The following FAM163A variants were observed in gnomAD, a reference collection of about 807,000 sequenced individuals.
FAM163A encodes the protein family with sequence similarity 163 member A, also known as protein FAM163A.
A neutral mutation model predicts 12.0 loss-of-function variants in FAM163A; 7 were observed. The observed-to-expected ratio is 0.58, with a 90% CI of 0.33 to 1.10. The LOEUF (loss-of-function observed/expected upper bound fraction) is 1.10. Ranked by LOEUF, FAM163A falls within the 50% of genes least tolerant of loss-of-function variation. The pLI is 0.03. For synonymous variants in FAM163A, 101 were observed against 91.0 expected (o/e 1.11, Z -0.62); for missense variants, 202 against 218.6 (o/e 0.92, Z 0.48).
chr1:179,732,974 A>T, the FAM163A span, among the ~76,000 whole-genome samples: 1 of 151,418 alleles, frequency 6.6e-6, no homozygotes, highest in East Asian at 1.9e-4. Flanking sequence ...GACAGGAGCC[A>T]TAAGAGAGGA....
chr1:179,770,009 C>T (rs895902147), intron 1 of FAM163A, among the ~76,000 whole-genome samples: 8 of 150,184 alleles, frequency 5.3e-5, no homozygotes, highest in Non-Finnish European at 1.2e-4. Flanking sequence ...AGGTTCACAC[C>T]GTTCTCCTGC....
chr1:179,764,693 A>C (rs947813021), intron 1 of FAM163A, among the ~76,000 whole-genome samples: 1 of 151,906 alleles, frequency 6.6e-6, no homozygotes, highest in Non-Finnish European at 1.5e-5. Flanking sequence ...CTGTTGGGGG[A>C]GAGCATTTCT....
rs112842856 is a variant in FAM163A at position 179,791,647 on chromosome 1, G to A, written c.-135-16151G>A. Reference sequence around the variant, plus strand: ...TCTTCCAGGTGTTCGAGGATGGAACGCGTTTTCATTTAACAGTTGCTAACT... The same window carrying A: ...TCTTCCAGGTGTTCGAGGATGGAACACGTTTTCATTTAACAGTTGCTAACT... On this transcript the variant is annotated intron_variant, in intron 1 of 4. Transcript: ENST00000341785. Among the ~76,000 whole-genome samples, 465 of 152,324 alleles carry A rather than the reference G, an allele frequency of 3.1e-3. 2 individuals carry two copies. Among genetic ancestry groups the A allele is most frequent in the African/African-American group, 0.01 (423 of 41,556 alleles).
At chr1:179,729,274 A>T in the FAM163A span, among the ~76,000 whole-genome samples, 1 of 152,206 alleles carries the variant, frequency 6.6e-6, no homozygotes, top group Non-Finnish European at 1.5e-5. Context: ...TATTTTGCCA[A>T]CTATAATTGT....
chr1:179,779,887 A>T (rs1689489205), intron 1 of FAM163A, among the ~76,000 whole-genome samples: 1 of 152,234 alleles, frequency 6.6e-6, no homozygotes, highest in Non-Finnish European at 1.5e-5. Flanking sequence ...GCCACAGTTT[A>T]TGTATGTGCT....
At chr1:179,758,143 C>T (rs558024880) in intron 1 of FAM163A, among the ~76,000 whole-genome samples, 1 of 151,984 alleles carries the variant, frequency 6.6e-6, no homozygotes, top group Admixed American at 6.5e-5. Context: ...AACAGAACTG[C>T]GTAGCTGGCT....
chr1:179,748,937 C>T (rs376308006), intron 1 of FAM163A, among the ~76,000 whole-genome samples: 5 of 152,160 alleles, frequency 3.3e-5, no homozygotes, highest in African/African-American at 9.7e-5. Flanking sequence ...TAACATGAAA[C>T]GTTTATATCC....
chr1:179,738,459 C>G (rs141636463), upstream of FAM163A, among the ~76,000 whole-genome samples: 1,144 of 152,132 alleles, frequency 7.5e-3, 14 homozygotes, highest in African/African-American at 0.026. Flanking sequence ...CTCAATAAAG[C>G]TGTGTTTAAA....
At chr1:179,806,582 C>T (rs769531991) in intron 1 of FAM163A, among the ~76,000 whole-genome samples, 7 of 152,148 alleles carry the variant, frequency 4.6e-5, no homozygotes, top group Non-Finnish European at 8.8e-5. Flanking sequence ...AGTTTCTGGC[C>T]GAGGGTGAGA....
chr1:179,799,224 A>G (rs1018905376), intron 1 of FAM163A, among the ~76,000 whole-genome samples: 3 of 152,250 alleles, frequency 2.0e-5, no homozygotes, highest in African/African-American at 7.2e-5. Flanking sequence ...GGCCTGCTGC[A>G]TAGGGAATCT....
At chr1:179,805,851 T>A (rs1356475472) in intron 1 of FAM163A, among the ~76,000 whole-genome samples, 1 of 152,230 alleles carries the variant, frequency 6.6e-6, no homozygotes, top group African/African-American at 2.4e-5. Context: ...GGTTCCCTGC[T>A]GGGCTGGACC....
chr1:179,737,822 G>A, the FAM163A span, among the ~76,000 whole-genome samples: 1 of 150,050 alleles, frequency 6.7e-6, no homozygotes, highest in Non-Finnish European at 1.5e-5. Context: ...GCAACACAGT[G>A]AGACTCTGTC....
chr1:179,795,136 G>T (rs1692093519), intron 1 of FAM163A, among the ~76,000 whole-genome samples: 1 of 152,178 alleles, frequency 6.6e-6, no homozygotes, highest in Non-Finnish European at 1.5e-5. Context: ...ATCTAAAGAG[G>T]ATTCCTAAAG....
At chr1:179,763,896 T>C (rs964075559) in intron 1 of FAM163A, among the ~76,000 whole-genome samples, 8 of 152,216 alleles carry the variant, frequency 5.3e-5, no homozygotes, top group Admixed American at 3.3e-4. Context: ...TGGAGGAGTC[T>C]GAATTCCTCC....
At chr1:179,730,742 T>C in the FAM163A span, among the ~76,000 whole-genome samples, 1 of 152,232 alleles carries the variant, frequency 6.6e-6, no homozygotes, top group Non-Finnish European at 1.5e-5. Context: ...ATGTACAAAA[T>C]AGCTTTTTTC....
At chr1:179,786,232 C>T (rs573111355) in intron 1 of FAM163A, among the ~76,000 whole-genome samples, 1 of 152,212 alleles carries the variant, frequency 6.6e-6, no homozygotes, top group African/African-American at 2.4e-5. Flanking sequence ...CAGGCCCTAA[C>T]CTGGAGTGGA....
chr1:179,732,532 C>T, the FAM163A span, among the ~76,000 whole-genome samples: 2 of 152,240 alleles, frequency 1.3e-5, no homozygotes, highest in Admixed American at 6.5e-5. Flanking sequence ...TATTCATACC[C>T]TCCCAAGATA....
Position 179,813,076 on chromosome 1 carries a change from A to T in FAM163A, c.-22A>T. ...CTCAGCCCTCCGCACATCTTTGCAGAGTTTGATGGGGCGCCGGGCGGATGA... is the reference window on the plus strand; with the variant it reads ...CTCAGCCCTCCGCACATCTTTGCAGTGTTTGATGGGGCGCCGGGCGGATGA... On this transcript the variant is annotated splice_region_variant and 5_prime_UTR_variant, in exon 4 of 5. Coordinates refer to ENST00000341785, the MANE Select transcript of FAM163A (RefSeq NM_173509.3). 6.4e-7 allele frequency: 1 copy of T among 1,551,492 alleles called. No individual in the cohort carries two copies. Among genetic ancestry groups the T allele is most frequent in the Non-Finnish European group, 8.7e-7 (1 of 1,146,858 alleles).
In FAM163A at chr1:179,815,203, G is replaced by A. The variant is rs1695221025; in HGVS notation, c.*1014G>A. On this transcript the variant is annotated 3_prime_UTR_variant, in exon 5 of 5. Transcript: ENST00000341785. ...TTGTACATTCAGGAGCTGCAGAGAG[G>A]AAAGGTCTCCCATGTACCAGAGAAG... The A allele has an allele frequency of 6.5e-6, 1 of 152,910 alleles. No homozygotes were observed. Among genetic ancestry groups the A allele is most frequent in the Admixed American group, 6.5e-5 (1 of 15,282 alleles). The allele number at this position is 152,910 out of a possible 1,614,324, so 9.5% of individuals were successfully genotyped here. A position where few individuals can be genotyped will look rare whatever the true frequency, so the allele number is the denominator to read the frequency against.
Sources: allele counts gnomAD v4.1 joint callset (sites outside exome capture counted in the v4.1 genomes callset), GRCh38; gene constraint gnomAD v4.1.1; transcripts MANE v1.5; gene names NCBI Gene and HGNC (gene_info 2026-07-23, HGNC 2026-07-21).